Variants in NINL observed in about 807,000 individuals in gnomAD.
The protein encoded by NINL is ninein like.
Under a neutral mutation model 160.3 loss-of-function variants are expected in NINL, and 153 were observed. That is an observed-to-expected ratio of 0.95 (90% CI 0.84 to 1.09). The LOEUF (loss-of-function observed/expected upper bound fraction) is 1.09, where lower values mean the gene tolerates loss of function less well. Among genes scored for constraint, NINL ranks in the 50% least tolerant of loss-of-function variants. The pLI is 0.00. For synonymous variants in NINL, 800 were observed against 734.8 expected (o/e 1.09, Z -1.43); for missense variants, 1,829 against 1,764.0 (o/e 1.04, Z -0.66).
At chr20:25,487,775 A>G (rs2063533096) in intron 13 of NINL, among the ~76,000 whole-genome samples, 1 of 152,232 alleles carries the variant, frequency 6.6e-6, no homozygotes. Flanking sequence ...TTCTACACAG[A>G]ATTTTCTTCC....
intron 21 of NINL, chr20:25,459,037 C>G (rs548627675): frequency 6.4e-6 from 1 of 155,910 alleles, no homozygotes; most frequent in South Asian, 2.0e-4. Flanking sequence ...TGAGCTGTTA[C>G]AGTAAACTGT....
At chr20:25,515,974 A>C (rs1201453129) in intron 3 of NINL, among the ~76,000 whole-genome samples, 1 of 151,806 alleles carries the variant, frequency 6.6e-6, no homozygotes, top group Non-Finnish European at 1.5e-5. Flanking sequence ...ACGGGGTTTC[A>C]CCATGTTACC....
chr20:25,562,887 G>T (rs2064960304), intron 1 of NINL, among the ~76,000 whole-genome samples: 1 of 152,208 alleles, frequency 6.6e-6, no homozygotes, highest in Admixed American at 6.5e-5. Context: ...CAAAGAGCAG[G>T]CTGGGCATGA....
chr20:25,570,107 G>A (rs1226027479), intron 1 of NINL, among the ~76,000 whole-genome samples: 1 of 152,164 alleles, frequency 6.6e-6, no homozygotes, highest in Non-Finnish European at 1.5e-5. Context: ...TTTAACACAG[G>A]AGGCAGAGGG....
chr20:25,548,281 A>G (rs2064759829), intron 1 of NINL, among the ~76,000 whole-genome samples: 1 of 152,152 alleles, frequency 6.6e-6, no homozygotes, highest in African/African-American at 2.4e-5. Context: ...GATCCCAGGC[A>G]CCTTTGTGCT....
chr20:25,553,121 T>TTTTTTTC (rs1600330984), intron 1 of NINL, among the ~76,000 whole-genome samples: 1 of 148,918 alleles, frequency 6.7e-6, no homozygotes, highest in Non-Finnish European at 1.5e-5. Flanking sequence ...TTTTTTTTTT[T>TTTTTTTC]GGAGATGGGG....
In NINL at chr20:25,453,341, A is replaced by G. The variant is rs1011027894; in HGVS notation, c.*110T>C. 32 of 949,018 alleles carry G rather than the reference A, an allele frequency of 3.4e-5. No individual in the cohort carries two copies. Among genetic ancestry groups the G allele is most frequent in the Middle Eastern group, 2.4e-4 (1 of 4,224 alleles). 58.8% of individuals were successfully genotyped at this position (949,018 alleles called of 1,614,324 possible). A position where few individuals can be genotyped will look rare whatever the true frequency, so the allele number is the denominator to read the frequency against. On this transcript the variant is annotated 3_prime_UTR_variant, in exon 24 of 24. Transcript: ENST00000278886. ...TCTGCGGGGTGAACAAAGAATCCCAATCCTCAGATGTCCCAGGACTCATGG... is the reference window on the plus strand; with the variant it reads ...TCTGCGGGGTGAACAAAGAATCCCAGTCCTCAGATGTCCCAGGACTCATGG...
intron 3 of NINL, among the ~76,000 whole-genome samples, chr20:25,514,737 T>C (rs2064132365): frequency 6.6e-6 from 1 of 152,202 alleles, no homozygotes; most frequent in Non-Finnish European, 1.5e-5. Flanking sequence ...CACTGCTCCC[T>C]ACGTCCCAGC....
At chr20:25,456,887 G>C (rs1395232950) in intron 22 of NINL, among the ~76,000 whole-genome samples, 1 of 151,752 alleles carries the variant, frequency 6.6e-6, no homozygotes. Context: ...AGCCGAGATC[G>C]CACCATTGCA....
intron 1 of NINL, among the ~76,000 whole-genome samples, chr20:25,537,916 C>A (rs368058848): frequency 6.6e-6 from 1 of 152,232 alleles, no homozygotes; most frequent in Admixed American, 6.5e-5. Context: ...CATCTACACT[C>A]GCACTCTTGC....
intron 1 of NINL, among the ~76,000 whole-genome samples, chr20:25,561,942 G>A (rs1368795580): frequency 6.7e-6 from 1 of 149,646 alleles, no homozygotes; most frequent in Non-Finnish European, 1.5e-5. Flanking sequence ...CGTCCGGGAG[G>A]GAGGTGGGGG....
At chr20:25,521,815 C>T (rs1335612704) in intron 2 of NINL, among the ~76,000 whole-genome samples, 1 of 152,138 alleles carries the variant, frequency 6.6e-6, no homozygotes, top group African/African-American at 2.4e-5. Flanking sequence ...CTTTGAGGCC[C>T]CCAAGGTCAC....
intron 1 of NINL, among the ~76,000 whole-genome samples, chr20:25,559,101 C>T (rs990109171): frequency 1.3e-5 from 2 of 152,222 alleles, no homozygotes; most frequent in African/African-American, 2.4e-5. Context: ...GTGATTATCA[C>T]GTGATGACCT....
At chr20:25,455,603 G>GCTC in intron 23 of NINL, 70 bp downstream of exon 23, 1 of 1,105,048 alleles carries the variant, frequency 9.0e-7, no homozygotes, top group Non-Finnish European at 1.4e-6. Flanking sequence ...TTAGCTACCT[G>GCTC]CACACCCATA....
At chr20:25,509,433 A>G (rs888287464) in intron 5 of NINL, among the ~76,000 whole-genome samples, 1 of 152,196 alleles carries the variant, frequency 6.6e-6, no homozygotes, top group Non-Finnish European at 1.5e-5. Context: ...CTCCTTGGAG[A>G]AGCTCTGCAG....
intron 10 of NINL, among the ~76,000 whole-genome samples, chr20:25,493,182 A>C (rs2063676128): frequency 6.6e-6 from 1 of 152,140 alleles, no homozygotes; most frequent in African/African-American, 2.4e-5. Flanking sequence ...GTTCTCAGTT[A>C]CTCAAACTGA....
At chr20:25,453,808 T>G (rs1202939806) in intron 23 of NINL, among the ~76,000 whole-genome samples, 166 bp from the exon 24 acceptor site, 3 of 152,080 alleles carry the variant, frequency 2.0e-5, no homozygotes, top group Admixed American at 2.0e-4. Flanking sequence ...CCCAGCACTT[T>G]GGGAGGCTGA....
intron 18 of NINL, among the ~76,000 whole-genome samples, chr20:25,469,436 A>C (rs2063036057): frequency 1.6e-5 from 2 of 128,612 alleles, no homozygotes; most frequent in African/African-American, 3.1e-5. Context: ...TGGGCGGCCC[A>C]CTGCCCTGTC....
rs2063803271 is a variant in NINL at position 25,498,441 on chromosome 20, A to G, written c.1033-95T>C. The G allele has an allele frequency of 2.0e-6, 3 of 1,505,730 alleles. No individual in the cohort carries two copies. In the Admixed American group the frequency reaches 5.8e-5, roughly 29 times the overall value. The allele number at this position is 1,505,730 out of a possible 1,614,324, so 93.3% of individuals were successfully genotyped here. Reference sequence around the variant, plus strand: ...TCCCTGATCCAGGGCCTAGCCCAGCATGGCTGTCCCAGGCAGCACCTGCCC... The same window carrying G: ...TCCCTGATCCAGGGCCTAGCCCAGCGTGGCTGTCCCAGGCAGCACCTGCCC... On this transcript the variant is annotated intron_variant, in intron 8 of 23. Coordinates refer to ENST00000278886, the MANE Select transcript of NINL (RefSeq NM_025176.6).
Sources: gnomAD v4.1 joint callset for allele counts (sites outside exome capture counted in the v4.1 genomes callset) on GRCh38, gnomAD v4.1.1 for gene constraint, MANE v1.5 for transcripts, NCBI Gene and HGNC (gene_info 2026-07-23, HGNC 2026-07-21) for gene names.